ESPN: variants seen among roughly 807,000 people sequenced by gnomAD.
The protein encoded by ESPN is espin, also known as autosomal recessive deafness type 36 protein.
A neutral mutation model predicts 77.7 loss-of-function variants in ESPN; 68 were observed. The observed-to-expected ratio is 0.87, with a 90% CI of 0.72 to 1.07. The LOEUF is 1.07. ESPN is among the 50% of genes least tolerant of loss of function. The probability of loss-of-function intolerance (pLI) is 0.00; values close to 1 mark genes in which losing one functional copy is unlikely to be tolerated. For synonymous variants in ESPN, 449 were observed against 567.1 expected, an observed-to-expected ratio of 0.79 and a Z score of 2.96; for missense variants, 1,060 against 1,239.0, an observed-to-expected ratio of 0.86 and a Z score of 2.17.
chr1:6,449,658 TG>T (rs1643912019), intron 8 of ESPN, among the ~76,000 whole-genome samples: 1 of 152,218 alleles, frequency 6.6e-6, no homozygotes, highest in African/African-American at 2.4e-5. Flanking sequence ...CCAGGGGCCC[TG>T]GGCCAGCCAA....
Position 6,460,794 on chromosome 1 carries a change from C to T in ESPN, c.*648C>T. 1 of 204,692 alleles carries T rather than the reference C, an allele frequency of 4.9e-6. No individual in the cohort carries two copies. The highest frequency in any genetic ancestry group is 1.0e-5 in the Non-Finnish European group (1 of 99,842). 12.7% of individuals were successfully genotyped at this position (204,692 alleles called of 1,614,324 possible). On this transcript the variant is annotated 3_prime_UTR_variant, in exon 13 of 13. Transcript: ENST00000645284. Reference sequence around the variant, plus strand: ...CGCCCCGTCCCCAGCCAGACCCACTCGCTGCCGGGACCCTTTCACTGCCCC... The same window carrying T: ...CGCCCCGTCCCCAGCCAGACCCACTTGCTGCCGGGACCCTTTCACTGCCCC...
In ESPN at chr1:6,451,320, C is replaced by T. The variant is rs1160034553; in HGVS notation, c.1916-283C>T. The T allele has an allele frequency of 3.8e-6, 2 of 523,138 alleles. No homozygotes were observed. Among genetic ancestry groups the T allele is most frequent in the Admixed American group, 3.2e-5 (1 of 31,218 alleles). 32.4% of individuals were successfully genotyped at this position (523,138 alleles called of 1,614,324 possible). A position where few individuals can be genotyped will look rare whatever the true frequency, so the allele number is the denominator to read the frequency against. ...CAGTGGCTGGGCGGGGACATATGCCCAAGAGCCACCATGAACTCCCAGGGG... is the reference window on the plus strand; with the variant it reads ...CAGTGGCTGGGCGGGGACATATGCCTAAGAGCCACCATGAACTCCCAGGGG... On this transcript the variant is annotated intron_variant, in intron 8 of 12. Coordinates refer to ENST00000645284, the MANE Select transcript of ESPN (RefSeq NM_031475.3). This position sits in a 1 kb window ranked among gnomAD's most constrained non-coding sequence, Gnocchi z 4.3.
At chr1:6,435,032 G>C (rs1015989978) in intron 2 of ESPN, among the ~76,000 whole-genome samples, 11 of 152,236 alleles carry the variant, frequency 7.2e-5, no homozygotes, top group African/African-American at 2.4e-4. Context: ...GCAACTGTAG[G>C]CTTCTGGAAC....
At chr1:6,443,238 C>T (rs1041885242) in intron 5 of ESPN, 1 of 151,486 alleles carries the variant, frequency 6.6e-6, no homozygotes, top group African/African-American at 2.4e-5. Flanking sequence ...CTCAGCAGAG[C>T]AAGTAGTGCT....
chr1:6,428,178 G>A lies in ESPN; in HGVS notation c.295-48G>A. 1 of 1,597,314 alleles carries A rather than the reference G, an allele frequency of 6.3e-7. No homozygotes were observed. The highest frequency in any genetic ancestry group is 8.6e-7 in the Non-Finnish European group (1 of 1,165,776). ...AGTCTGGGAGTGGCCCAAGCCAGGGGCGGGGCAGCAACAGGCTTTAGGACT... is the reference window on the plus strand; with the variant it reads ...AGTCTGGGAGTGGCCCAAGCCAGGGACGGGGCAGCAACAGGCTTTAGGACT... On this transcript the variant is annotated intron_variant, in intron 1 of 12. Coordinates refer to ENST00000645284, the MANE Select transcript of ESPN (RefSeq NM_031475.3). This position sits in a 1 kb window ranked among gnomAD's most constrained non-coding sequence, Gnocchi z 5.4.
In ESPN at chr1:6,452,055, A is replaced by T. The variant is rs140592848; in HGVS notation, c.2284A>T (p.Met762Leu). ...EWKRQVMVRK[M>L]QLKMQEEEEQ... ...GAAGCGCCAGGTGATGGTGCGCAAG[A>T]TGCAGCTGAAGATGCAGGAGGAGGA... The change falls in exon 10 of 13, where the codon ATG becomes TTG. Residue 762 changes from methionine (M) to leucine (L), a missense_variant. By Grantham distance (15) the Met-to-Leu change is conservative (BLOSUM62 2). Coordinates refer to ENST00000645284, the MANE Select transcript of ESPN (RefSeq NM_031475.3). The T allele has an allele frequency of 1.2e-4, 196 of 1,569,924 alleles. No individual in the cohort carries two copies. In the African/African-American group the frequency reaches 2.4e-3, roughly 19 times the overall value.
intron 2 of ESPN, among the ~76,000 whole-genome samples, chr1:6,429,609 G>T (rs190668494): frequency 2.2e-3 from 328 of 152,328 alleles, no homozygotes; most frequent in African/African-American, 7.0e-3. Context: ...GCCCCTGATG[G>T]CGGGACCAAT....
At chr1:6,439,128 A>G (rs889607204) in intron 2 of ESPN, among the ~76,000 whole-genome samples, 3 of 152,140 alleles carry the variant, frequency 2.0e-5, no homozygotes, top group Non-Finnish European at 4.4e-5. Flanking sequence ...AAAAATAAAA[A>G]AGAAGAACCT....
intron 1 of ESPN, among the ~76,000 whole-genome samples, chr1:6,426,771 G>A (rs1643051674): frequency 6.6e-6 from 1 of 152,126 alleles, no homozygotes; most frequent in Non-Finnish European, 1.5e-5. Context: ...CCATGGTTCT[G>A]CCTGGGTGCC....
At chr1:6,456,078 G>A (rs994972592) in intron 10 of ESPN, 2 of 391,080 alleles carry the variant, frequency 5.1e-6, no homozygotes, top group African/African-American at 4.1e-5. Context: ...AGCCCCCGCC[G>A]AAGACCCCTT....
intron 2 of ESPN, among the ~76,000 whole-genome samples, chr1:6,438,249 C>T (rs1469673740): frequency 6.6e-6 from 1 of 152,204 alleles, no homozygotes; most frequent in Non-Finnish European, 1.5e-5. Context: ...CCTGGACACA[C>T]CAGGCCAGCC....
At chr1:6,449,809 CT>C (rs879914977) in intron 8 of ESPN, among the ~76,000 whole-genome samples, 9 of 152,184 alleles carry the variant, frequency 5.9e-5, no homozygotes, top group Non-Finnish European at 1.2e-4. Context: ...CAGTGTCCCC[CT>C]GCCAGGACAC....
rs1310515415 is a variant in ESPN, at chr1:6,448,796, C to A, written c.1620C>A (p.Ser540Arg). 3.0e-6 allele frequency: 4 copies of A among 1,340,622 alleles called. No individual in the cohort carries two copies. The highest frequency in any genetic ancestry group is 1.9e-6 in the Non-Finnish European group (2 of 1,049,592). 83.0% of individuals were successfully genotyped at this position (1,340,622 alleles called of 1,614,324 possible). Residue 540 changes from serine (S) to arginine (R), a missense_variant, in exon 8 of 13, where the codon AGC (serine) becomes AGA (arginine). Ser to Arg is a moderately radical substitution (Grantham distance 110). Coordinates refer to ENST00000645284, the MANE Select transcript of ESPN (RefSeq NM_031475.3). ...CCGCACGCCCGGGCATGGCGCACAG[C>A]GAGGAGGTGCGTGCCCGCCAGCCCG... is the stretch of plus-strand genomic sequence containing the variant. ...TLAARPGMAH[S>R]EEVRARQPAR...
intron 2 of ESPN, among the ~76,000 whole-genome samples, chr1:6,436,305 G>A (rs116122864): frequency 0.084 from 12,850 of 152,118 alleles, 753 homozygotes; most frequent in African/African-American, 0.16. Flanking sequence ...TGTACCAGGA[G>A]AACAATGCTA....
At chr1:6,438,850 A>C (rs1436759306) in intron 2 of ESPN, among the ~76,000 whole-genome samples, 2 of 152,210 alleles carry the variant, frequency 1.3e-5, no homozygotes, top group Admixed American at 1.3e-4. Context: ...GGTGGCTCAC[A>C]CCTGTAATCC....
rs1447111851 is a variant in ESPN, at chr1:6,427,469, T to C, written c.295-757T>C. On this transcript the variant is annotated intron_variant, in intron 1 of 12. Coordinates refer to ENST00000645284, the MANE Select transcript of ESPN (RefSeq NM_031475.3). The surrounding 1 kb of genome is among the most constrained non-coding windows in gnomAD (Gnocchi z 4.6). ...GGCCCAGACCTCTGGCCCCACCTGC[T>C]CTGAGGTCCCCGGGGGGAGTTTTGT... 6.6e-6 allele frequency among the ~76,000 whole-genome samples: 1 copy of C among 152,048 alleles called. No homozygotes were observed. Among genetic ancestry groups the C allele is most frequent in the Non-Finnish European group, 1.5e-5 (1 of 67,998 alleles).
At chr1:6,449,188 T>G in intron 8 of ESPN, 97 bp downstream of exon 8, 2 of 1,216,888 alleles carry the variant, frequency 1.6e-6, no homozygotes, top group East Asian at 6.6e-5. Context: ...ACTGCCCGGG[T>G]CCTTCCTCTT....
rs752357040 is a variant in ESPN at position 6,460,133 on chromosome 1, T to G, written c.2552T>G (p.Ile851Ser). ...CAGGTCATCCTGAAGAAGGGGGACATCGCTAAGTACTAGAGGCCGCAGACT... is the reference window on the plus strand; with the variant it reads ...CAGGTCATCCTGAAGAAGGGGGACAGCGCTAAGTACTAGAGGCCGCAGACT... ...QRQVILKKGDIAKY is the reference protein window; with the variant it reads ...QRQVILKKGDSAKY The change falls in exon 13 of 13, where the codon ATC (isoleucine) becomes AGC (serine). Residue 851 changes from isoleucine (I) to serine (S), a missense_variant. This residue lies in a region of ESPN where 374 missense variants were observed against 381.4 expected (regional missense o/e 0.98). Transcript: ENST00000645284. The G allele has an allele frequency of 7.4e-6, 12 of 1,612,280 alleles. No homozygotes were observed. Among genetic ancestry groups the G allele is most frequent in the Non-Finnish European group, 1.0e-5 (12 of 1,179,990 alleles).
At chr1:6,448,527 C>G (rs968356255) in intron 7 of ESPN, 114 bp from the exon 8 acceptor site, 4 of 898,346 alleles carry the variant, frequency 4.5e-6, no homozygotes, top group South Asian at 3.2e-5. Context: ...AGCTGCTGCA[C>G]CCCTCGACGG....
Sources: allele counts gnomAD v4.1 joint callset (sites outside exome capture counted in the v4.1 genomes callset), GRCh38; gene constraint gnomAD v4.1.1; regional missense constraint gnomAD v4.1.1; non-coding constraint Gnocchi (gnomAD v3.1); transcripts MANE v1.5; gene names NCBI Gene and HGNC (gene_info 2026-07-23, HGNC 2026-07-21).